SMCO2: variants seen among roughly 807,000 people sequenced by gnomAD.
SMCO2 encodes single-pass membrane and coiled-coil domain-containing protein 2.
In SMCO2, 25 loss-of-function variants were observed where a neutral mutation model predicts 29.5. The observed-to-expected ratio is 0.85, with a 90% CI of 0.62 to 1.18. The LOEUF (loss-of-function observed/expected upper bound fraction) is 1.18. Among genes scored for constraint, SMCO2 ranks in the 50% most tolerant of loss-of-function variants. The pLI, the probability that SMCO2 is intolerant of heterozygous loss-of-function variation, is 0.00. For missense variants in SMCO2, 348 were observed against 344.5 expected, an observed-to-expected ratio of 1.01 and a Z score of -0.08; for synonymous variants, 117 against 123.3, an observed-to-expected ratio of 0.95 and a Z score of 0.34.
At chr12:27,431,396 A>C in the SMCO2 span, among the ~76,000 whole-genome samples, 3 of 152,290 alleles carry the variant, frequency 2.0e-5, no homozygotes, top group East Asian at 5.8e-4. Context: ...GAATGTTTTC[A>C]TCTTGCAAAA....
At chr12:27,455,730 T>C in the SMCO2 span, among the ~76,000 whole-genome samples, 74 of 152,300 alleles carry the variant, frequency 4.9e-4, 2 homozygotes, top group East Asian at 0.011. Context: ...AGAAATGACA[T>C]ATTCAGGAAT....
At chr12:27,471,057 G>T (rs952693723) in intron 2 of SMCO2, among the ~76,000 whole-genome samples, 1 of 152,052 alleles carries the variant, frequency 6.6e-6, no homozygotes, top group Admixed American at 6.6e-5. Flanking sequence ...ACTTGCTGAA[G>T]ATCTAAGCCA....
At chr12:27,485,300 T>C (rs1949679662) in intron 4 of SMCO2, among the ~76,000 whole-genome samples, 1 of 152,072 alleles carries the variant, frequency 6.6e-6, no homozygotes, top group Non-Finnish European at 1.5e-5. Flanking sequence ...GATCTGGGTC[T>C]TTTTTCTATT....
chr12:27,482,934 C>T (rs1292134836), intron 4 of SMCO2, among the ~76,000 whole-genome samples: 1 of 152,104 alleles, frequency 6.6e-6, no homozygotes, highest in East Asian at 1.9e-4. Flanking sequence ...GCCATGTGGC[C>T]CAGGCTAGCC....
intron 4 of SMCO2, among the ~76,000 whole-genome samples, chr12:27,477,275 G>T (rs1340652329): frequency 8.5e-6 from 1 of 117,830 alleles, no homozygotes; most frequent in Non-Finnish European, 1.6e-5. Flanking sequence ...TTCTCTCCTT[G>T]CCTATAAGAT....
the SMCO2 span, among the ~76,000 whole-genome samples, chr12:27,454,643 G>A: frequency 2.0e-5 from 3 of 152,064 alleles, no homozygotes; most frequent in South Asian, 2.1e-4. Context: ...TGTTACATAG[G>A]CATACACGTG....
the SMCO2 span, among the ~76,000 whole-genome samples, chr12:27,441,210 G>A: frequency 6.6e-6 from 1 of 152,140 alleles, no homozygotes; most frequent in African/African-American, 2.4e-5. Flanking sequence ...AGTGAGCCAT[G>A]GTCGTGCCAC....
chr12:27,465,048 A>AG (rs1483057662), upstream of SMCO2, among the ~76,000 whole-genome samples: 318 of 147,106 alleles, frequency 2.2e-3, no homozygotes, highest in African/African-American at 5.7e-3. Flanking sequence ...AAAAAAAAAA[A>AG]AAAGAAAGAA....
intron 4 of SMCO2, among the ~76,000 whole-genome samples, chr12:27,477,638 T>G (rs1949601109): frequency 6.7e-6 from 1 of 150,142 alleles, no homozygotes; most frequent in Admixed American, 6.6e-5. Context: ...TTCATTCTTT[T>G]TTTTTTTTTT....
the SMCO2 span, among the ~76,000 whole-genome samples, chr12:27,447,527 G>A: frequency 1.3e-5 from 2 of 152,206 alleles, no homozygotes; most frequent in African/African-American, 4.8e-5. Context: ...GGAGGCCAAG[G>A]TGGGAGGATC....
the SMCO2 span, among the ~76,000 whole-genome samples, chr12:27,445,327 T>G: frequency 6.6e-6 from 1 of 152,198 alleles, no homozygotes; most frequent in Non-Finnish European, 1.5e-5. Flanking sequence ...GGAACCCAGT[T>G]TAATTTGAAT....
chr12:27,433,506 T>TACACACACAC, the SMCO2 span, among the ~76,000 whole-genome samples: 7 of 147,976 alleles, frequency 4.7e-5, no homozygotes, highest in African/African-American at 1.5e-4. Context: ...CAGATGTGTA[T>TACACACACAC]ACACACACAC....
At chr12:27,474,806 T>A (rs535345055) in exon 4 of SMCO2, 2 of 1,551,758 alleles carry the variant, frequency 1.3e-6, no homozygotes, top group East Asian at 4.9e-5. Context: ...AGCTAGAGGC[T>A]GAGCATGACC....
chr12:27,438,307 A>G, the SMCO2 span, among the ~76,000 whole-genome samples: 1 of 151,988 alleles, frequency 6.6e-6, no homozygotes, highest in East Asian at 1.9e-4. Context: ...CTGTGGTTTC[A>G]TCCACTCCTA....
chr12:27,489,889 C>T (rs985432183), intron 5 of SMCO2, among the ~76,000 whole-genome samples: 8 of 151,832 alleles, frequency 5.3e-5, no homozygotes, highest in African/African-American at 7.3e-5. Flanking sequence ...GTAGCAGGTG[C>T]GGGGAGGGAG....
intron 1 of SMCO2, 108 bp from the exon 2 acceptor site, chr12:27,470,514 A>C (rs1949532311): frequency 8.0e-7 from 1 of 1,247,958 alleles, no homozygotes; most frequent in African/African-American, 1.5e-5. Context: ...AAAGGGGAGG[A>C]ATTAAAGCCA....
the SMCO2 span, among the ~76,000 whole-genome samples, chr12:27,461,050 A>G: frequency 6.6e-6 from 1 of 152,154 alleles, no homozygotes; most frequent in Non-Finnish European, 1.5e-5. Flanking sequence ...TCTGAAATCC[A>G]GAAACCACCC....
chr12:27,485,450 G>GCTTTTTTTTTTTTTTT (rs1484918113), intron 4 of SMCO2, among the ~76,000 whole-genome samples: 1 of 132,046 alleles, frequency 7.6e-6, no homozygotes, highest in African/African-American at 2.8e-5. Flanking sequence ...ATTTTTTTAA[G>GCTTTTTTTTTTTTTTT]TTTTTTTTTT....
chr12:27,459,109 C>T, the SMCO2 span, among the ~76,000 whole-genome samples: 5 of 148,218 alleles, frequency 3.4e-5, no homozygotes, highest in Admixed American at 3.4e-4. Flanking sequence ...ATGGCATGAA[C>T]CCGGGAAGTG....
Sources: gnomAD v4.1 joint callset for allele counts (sites outside exome capture counted in the v4.1 genomes callset) on GRCh38, gnomAD v4.1.1 for gene constraint, MANE v1.5 for transcripts, NCBI Gene and HGNC (gene_info 2026-07-23, HGNC 2026-07-21) for gene names.